COL9A2: variants seen among roughly 807,000 people sequenced by gnomAD.
COL9A2 encodes the protein collagen alpha-2(IX) chain.
COL9A2 carries 66 observed loss-of-function variants against 111.6 expected under a neutral mutation model. The ratio of observed to expected loss-of-function variants is 0.59; its 90% CI spans 0.48 to 0.73. The LOEUF is 0.73. Ranked by LOEUF, COL9A2 falls within the 30% of genes least tolerant of loss-of-function variation. The pLI is 0.00. For missense variants in COL9A2, 881 were observed against 954.1 expected (o/e 0.92, Z 1.01); for synonymous variants, 353 against 364.1 (o/e 0.97, Z 0.35).
In COL9A2 at chr1:40,302,369, G is replaced by A. The variant is rs1250013564; in HGVS notation, c.1792+252C>T. Among the ~76,000 whole-genome samples, 1 of 152,120 alleles carries A rather than the reference G, an allele frequency of 6.6e-6. No homozygotes were observed. Among genetic ancestry groups the A allele is most frequent in the Non-Finnish European group, 1.5e-5 (1 of 68,030 alleles). On this transcript the variant is annotated intron_variant, in intron 30 of 31. Coordinates refer to ENST00000372748, the MANE Select transcript of COL9A2 (RefSeq NM_001852.4). The surrounding 1 kb of genome is among the most constrained non-coding windows in gnomAD (Gnocchi z 4.5). ...GCTGGTCTGCCGCCCCATCTCTATTGACATGGAAAGATGCTTATGGGGTAC... is the reference window on the plus strand; with the variant it reads ...GCTGGTCTGCCGCCCCATCTCTATTAACATGGAAAGATGCTTATGGGGTAC...
At chr1:40,315,962 C>A in intron 1 of COL9A2, 1 of 334,804 alleles carries the variant, frequency 3.0e-6, no homozygotes, top group Non-Finnish European at 5.5e-6. Context: ...GCCAGGAGTC[C>A]GCCCTGGATC....
Position 40,305,731 on chromosome 1 carries a change from C to G in COL9A2, c.1091G>C (p.Gly364Ala), listed in dbSNP as rs759466010. Reference protein sequence around the residue: ...PGPQGLPGFSGPPGKEGEPGP... With the variant: ...PGPQGLPGFSAPPGKEGEPGP... ...GGCATTTACCTCTTTCCCAGGGGGA[C>G]CAGAGAATCCAGGAAGGCCCTGCGG... Residue 364 changes from glycine (G) to alanine (A), a missense_variant, in exon 21 of 32, where the codon GGT becomes GCT. Coordinates refer to ENST00000372748, the MANE Select transcript of COL9A2 (RefSeq NM_001852.4). The G allele has an allele frequency of 1.2e-6, 2 of 1,614,138 alleles. No homozygotes were observed. The highest frequency in any genetic ancestry group is 3.3e-5 in the Admixed American group (2 of 60,028).
chr1:40,304,033 G>C, intron 25 of COL9A2, 31 bp downstream of exon 25: 2 of 1,575,582 alleles, frequency 1.3e-6, no homozygotes, highest in Non-Finnish European at 1.7e-6. Context: ...CAGGGTTGGG[G>C]GTCGCTGGGA....
chr1:40,307,798 A>G lies in COL9A2; in HGVS notation c.901-42T>C. On this transcript the variant is annotated intron_variant, in intron 17 of 31. Coordinates refer to ENST00000372748, the MANE Select transcript of COL9A2 (RefSeq NM_001852.4). The surrounding 1 kb of genome is among the most constrained non-coding windows in gnomAD (Gnocchi z 4.8). ...TTCAAGGGAGAGTGATAATGCGGAG[A>G]TGTCTGGGGTCTGGCCACCCACCCC... 1 of 1,607,338 alleles carries G rather than the reference A, an allele frequency of 6.2e-7. No individual in the cohort carries two copies. The highest frequency in any genetic ancestry group is 8.5e-7 in the Non-Finnish European group (1 of 1,174,208).
rs2228564 is a variant in COL9A2, at chr1:40,307,477, T to C, written c.977A>G (p.Gln326Arg). The C allele has an allele frequency of 0.25, 408,863 of 1,613,126 alleles. 59,315 individuals are homozygous for C. Among genetic ancestry groups the C allele is most frequent in the East Asian group, 0.65 (29,061 of 44,834 alleles). ...GMKGSAGQAG[Q>R]PGSPGHQGLA... Reference sequence around the variant, plus strand: ...GCCCTGGTGGCCTGGACTTCCGGGCTGTCCCGCCTGTCCTGCACTGCCCTG... The same window carrying C: ...GCCCTGGTGGCCTGGACTTCCGGGCCGTCCCGCCTGTCCTGCACTGCCCTG... Residue 326 changes from glutamine to arginine, a missense_variant, in exon 19 of 32, where the codon CAG becomes CGG. Physicochemically the swap from Gln to Arg is conservative, Grantham distance 43. Coordinates refer to ENST00000372748, the MANE Select transcript of COL9A2 (RefSeq NM_001852.4). This position sits in a 1 kb window ranked among gnomAD's most constrained non-coding sequence, Gnocchi z 4.8.
In COL9A2 at chr1:40,302,734, G is replaced by A. The variant is rs1451802555; in HGVS notation, c.1679C>T (p.Pro560Leu). The A allele has an allele frequency of 6.4e-7, 1 of 1,571,606 alleles. No homozygotes were observed. The highest frequency in any genetic ancestry group is 1.2e-5 in the South Asian group (1 of 85,696). ...GCCTGGGTACCCAGGGGGCCCAGGA[G>A]GTCCTGGAGGACCCATCATGCCCAC... ...GAVGMMGPPGPPGPPGYPGKQ... is the reference protein window; with the variant it reads ...GAVGMMGPPGLPGPPGYPGKQ... Residue 560 changes from proline to leucine, a missense_variant, in exon 30 of 32, where the codon CCT becomes CTT. Coordinates refer to ENST00000372748, the MANE Select transcript of COL9A2 (RefSeq NM_001852.4). This position sits in a 1 kb window ranked among gnomAD's most constrained non-coding sequence, Gnocchi z 4.5.
At position 40,303,935 on chromosome 1, in the gene COL9A2, C is replaced by T; in HGVS notation, c.1361G>A (p.Gly454Asp). The T allele has an allele frequency of 6.4e-7, 1 of 1,557,330 alleles. No homozygotes were observed. Residue 454 changes from glycine to aspartate, a missense_variant, in exon 26 of 32, where the codon GGC becomes GAC. Transcript: ENST00000372748. This position sits in a 1 kb window ranked among gnomAD's most constrained non-coding sequence, Gnocchi z 4.6. The part of the protein sequence containing the change: ...PGVAGLPGEK[G>D]EKGESGEPGP... ...CCTAGGCCGCGCGCTCACCTTCTCGCCTTTCTCTCCGGGGAGGCCGGCCAC... is the reference window on the plus strand; with the variant it reads ...CCTAGGCCGCGCGCTCACCTTCTCGTCTTTCTCTCCGGGGAGGCCGGCCAC...
rs553963794 is a variant in COL9A2, at chr1:40,301,115, T to C, written c.*67A>G. On this transcript the variant is annotated 3_prime_UTR_variant, in exon 32 of 32. Coordinates refer to ENST00000372748, the MANE Select transcript of COL9A2 (RefSeq NM_001852.4). ...GTTTCCTGGACTGGGGATGGGTGCA[T>C]GTCCACCCAGAGGGGACCTGGTCCT... 5.0e-4 allele frequency: 767 copies of C among 1,526,032 alleles called. 1 individual carries two copies. Among genetic ancestry groups the C allele is most frequent in the Middle Eastern group, 3.0e-3 (13 of 4,316 alleles). The allele number at this position is 1,526,032 out of a possible 1,614,324, so 94.5% of individuals were successfully genotyped here. A position where few individuals can be genotyped will look rare whatever the true frequency, so the allele number is the denominator to read the frequency against.
At position 40,311,594 on chromosome 1, in the gene COL9A2, G is replaced by T. The variant is rs144077383; in HGVS notation, c.472-47C>A. On this transcript the variant is annotated intron_variant, in intron 9 of 31. Coordinates refer to ENST00000372748, the MANE Select transcript of COL9A2 (RefSeq NM_001852.4). This position sits in a 1 kb window ranked among gnomAD's most constrained non-coding sequence, Gnocchi z 5.1. ...GAGCTTGGCCTGACCCTTTCCCGCCGCAGGCTTGCTCAAAGACCCTTCTCC... is the reference window on the plus strand; with the variant it reads ...GAGCTTGGCCTGACCCTTTCCCGCCTCAGGCTTGCTCAAAGACCCTTCTCC... The T allele has an allele frequency of 6.8e-6, 11 of 1,613,378 alleles. No homozygotes were observed. The highest frequency in any genetic ancestry group is 2.2e-5 in the South Asian group (2 of 91,050).
At position 40,312,335 on chromosome 1, in the gene COL9A2, A is replaced by T; in HGVS notation, c.363+121T>A. 11 of 1,401,014 alleles carry T rather than the reference A, an allele frequency of 7.9e-6. No individual in the cohort carries two copies. The highest frequency in any genetic ancestry group is 1.1e-5 in the Non-Finnish European group (11 of 1,010,742). 86.8% of individuals were successfully genotyped at this position (1,401,014 alleles called of 1,614,324 possible). A position where few individuals can be genotyped will look rare whatever the true frequency, so the allele number is the denominator to read the frequency against. ...CCCTGGGTCTCTGGCAGGTCCACTT[A>T]TTCCTGACACTATCACAGCAAGCTG... On this transcript the variant is annotated intron_variant, in intron 7 of 31. Transcript: ENST00000372748. The surrounding 1 kb of genome is among the most constrained non-coding windows in gnomAD (Gnocchi z 6.0).
intron 22 of COL9A2, 67 bp downstream of exon 22, chr1:40,304,727 T>C: frequency 2.7e-6 from 4 of 1,472,410 alleles, no homozygotes; most frequent in Admixed American, 2.0e-5. Flanking sequence ...ACGGAGCAGA[T>C]GCTGTATCCA....
rs1351562781 is a variant in COL9A2 at position 40,310,906 on chromosome 1, T to C, written c.631-139A>G. The stretch of plus-strand genomic sequence containing the variant: ...GAACCCTACAGTCCTGTGTTACAGA[T>C]AGAGAAAAGCCAAGCAAGGAGACAT... On this transcript the variant is annotated intron_variant, in intron 12 of 31. Transcript: ENST00000372748. This position sits in a 1 kb window ranked among gnomAD's most constrained non-coding sequence, Gnocchi z 4.9. 9 of 1,057,166 alleles carry C rather than the reference T, an allele frequency of 8.5e-6. No individual in the cohort carries two copies. In the East Asian group the frequency reaches 1.3e-4, roughly 15 times the overall value. The allele number at this position is 1,057,166 out of a possible 1,614,324, so 65.5% of individuals were successfully genotyped here. A position where few individuals can be genotyped will look rare whatever the true frequency, so the allele number is the denominator to read the frequency against.
At position 40,304,831 on chromosome 1, in the gene COL9A2, C is replaced by T. The variant is rs370682522; in HGVS notation, c.1124G>A (p.Arg375Gln). The change falls in exon 22 of 32, where the codon CGA becomes CAA. Residue 375 changes from arginine (R) to glutamine (Q), a missense_variant. By Grantham distance (43) the Arg-to-Gln change is conservative. Transcript: ENST00000372748. Reference protein sequence around the residue: ...PPGKEGEPGPRGEIGPQGIMG... With the variant: ...PPGKEGEPGPQGEIGPQGIMG... ...GATGCCCTGGGGACCAATTTCTCCT[C>T]GAGGCCCTGGCTCTCCCTGGAGGAA... is the stretch of plus-strand genomic sequence containing the variant. 65 of 1,550,674 alleles carry T rather than the reference C, an allele frequency of 4.2e-5. No individual in the cohort carries two copies. The highest frequency in any genetic ancestry group is 1.9e-4 in the South Asian group (16 of 84,052).
chr1:40,315,341 G>C, intron 2 of COL9A2: 1 of 1,344,322 alleles, frequency 7.4e-7, no homozygotes, highest in Non-Finnish European at 9.5e-7. Context: ...CTCGCTGTGA[G>C]CTGCGGCCGG....
rs924626654 is a variant in COL9A2, at chr1:40,303,373, C to G, written c.1548+157G>C. ...TTGGGAAGGTCGCGGGGTAATCCCT[C>G]AGGCTGCACTCACAGCCTTCCTGTC... is the stretch of plus-strand genomic sequence containing the variant. On this transcript the variant is annotated intron_variant, in intron 28 of 31. Transcript: ENST00000372748. The surrounding 1 kb of genome is among the most constrained non-coding windows in gnomAD (Gnocchi z 4.6). 5.3e-5 allele frequency among the ~76,000 whole-genome samples: 8 copies of G among 152,108 alleles called. No individual in the cohort carries two copies. The highest frequency in any genetic ancestry group is 1.9e-4 in the African/African-American group (8 of 41,396).
Position 40,312,082 on chromosome 1 carries a change from C to T in COL9A2, c.394G>A (p.Glu132Lys). ...ACCTTGGGGCCTCGGATTCCAATCT[C>T]ACCAGGGAGGCCAACAGGTCCAGGA... ...GPPGPVGLPG[E>K]IGIRGPKGDP... Residue 132 changes from glutamate (E) to lysine (K), a missense_variant, in exon 8 of 32, where the codon GAG (glutamate) becomes AAG (lysine). Glu to Lys is a moderately conservative substitution (Grantham distance 56, BLOSUM62 1). Transcript: ENST00000372748. This position sits in a 1 kb window ranked among gnomAD's most constrained non-coding sequence, Gnocchi z 6.0. 6.2e-7 allele frequency: 1 copy of T among 1,602,408 alleles called. No homozygotes were observed. Among genetic ancestry groups the T allele is most frequent in the South Asian group, 1.1e-5 (1 of 87,984 alleles).
chr1:40,309,796 C>G, intron 16 of COL9A2, 142 bp downstream of exon 16: 1 of 832,874 alleles, frequency 1.2e-6, no homozygotes, highest in Non-Finnish European at 2.1e-6. Flanking sequence ...TACACACACA[C>G]ACACTACACA....
Position 40,303,936 on chromosome 1 carries a change from C to T in COL9A2, c.1360G>A (p.Gly454Ser). 1 of 1,557,672 alleles carries T rather than the reference C, an allele frequency of 6.4e-7. No individual in the cohort carries two copies. Among genetic ancestry groups the T allele is most frequent in the Non-Finnish European group, 8.7e-7 (1 of 1,150,302 alleles). The change falls in exon 26 of 32, where the codon GGC becomes AGC. Residue 454 changes from glycine (G) to serine (S), a missense_variant. Physicochemically the swap from Gly to Ser is moderately conservative, Grantham distance 56. Transcript: ENST00000372748. The surrounding 1 kb of genome is among the most constrained non-coding windows in gnomAD (Gnocchi z 4.6). The stretch of plus-strand genomic sequence containing the variant: ...CTAGGCCGCGCGCTCACCTTCTCGC[C>T]TTTCTCTCCGGGGAGGCCGGCCACC... The part of the protein sequence containing the change: ...PGVAGLPGEK[G>S]EKGESGEPGP...
chr1:40,303,381 A>G lies in COL9A2; in HGVS notation c.1548+149T>C. 8.1e-7 allele frequency: 1 copy of G among 1,229,582 alleles called. No homozygotes were observed. Among genetic ancestry groups the G allele is most frequent in the East Asian group, 2.5e-5 (1 of 39,436 alleles). The allele number at this position is 1,229,582 out of a possible 1,614,324, so 76.2% of individuals were successfully genotyped here. ...GTCGCGGGGTAATCCCTCAGGCTGC[A>G]CTCACAGCCTTCCTGTCTGCTCTGG... On this transcript the variant is annotated intron_variant, in intron 28 of 31. Transcript: ENST00000372748. The surrounding 1 kb of genome is among the most constrained non-coding windows in gnomAD (Gnocchi z 4.6).
Sources: allele counts gnomAD v4.1 joint callset (sites outside exome capture counted in the v4.1 genomes callset), GRCh38; gene constraint gnomAD v4.1.1; non-coding constraint Gnocchi (gnomAD v3.1); transcripts MANE v1.5; gene names NCBI Gene and HGNC (gene_info 2026-07-23, HGNC 2026-07-21).